ADRA2C: variants seen among roughly 807,000 people sequenced by gnomAD.
ADRA2C encodes the protein adrenoceptor alpha 2C.
Under a neutral mutation model 7.9 loss-of-function variants are expected in ADRA2C, and 4 were observed. That is an observed-to-expected ratio of 0.51 (90% CI 0.25 to 1.16). ADRA2C has a LOEUF of 1.16. Ranked by LOEUF, ADRA2C falls within the 50% of genes most tolerant of loss-of-function variation. The pLI is 0.15. For synonymous variants in ADRA2C, 368 were observed against 328.9 expected (o/e 1.12, Z -1.29); for missense variants, 589 against 677.7 (o/e 0.87, Z 1.45).
Position 3,767,415 on chromosome 4 carries a change from C to T in ADRA2C, c.809C>T (p.Ala270Val). The part of the protein sequence containing the change: ...TENGLGAAAG[A>V]GENGHCAPPP... ...AACGGGCTGGGCGCGGCGGCAGGCG[C>T]AGGCGAGAACGGGCACTGCGCGCCC... is the stretch of plus-strand genomic sequence containing the variant. The change falls in exon 1 of 1, where the codon GCA becomes GTA. Residue 270 changes from alanine to valine, a missense_variant. Transcript: ENST00000330055. The T allele has an allele frequency of 6.5e-7, 1 of 1,530,132 alleles. No individual in the cohort carries two copies. Among genetic ancestry groups the T allele is most frequent in the Non-Finnish European group, 8.7e-7 (1 of 1,143,916 alleles). The allele number at this position is 1,530,132 out of a possible 1,614,324, so 94.8% of individuals were successfully genotyped here.
At position 3,766,582 on chromosome 4, in the gene ADRA2C, G is replaced by A. The variant is rs1735445271; in HGVS notation, c.-25G>A. 1.7e-6 allele frequency: 2 copies of A among 1,157,652 alleles called. No homozygotes were observed. The highest frequency in any genetic ancestry group is 2.1e-6 in the Non-Finnish European group (2 of 941,518). The allele number at this position is 1,157,652 out of a possible 1,614,324, so 71.7% of individuals were successfully genotyped here. A position where few individuals can be genotyped will look rare whatever the true frequency, so the allele number is the denominator to read the frequency against. On this transcript the variant is annotated 5_prime_UTR_variant, in exon 1 of 1. Coordinates refer to ENST00000330055, the MANE Select transcript of ADRA2C (RefSeq NM_000683.4). This position sits in a 1 kb window ranked among gnomAD's most constrained non-coding sequence, Gnocchi z 4.5. ...CGCGGCTGCGCCCCGGCTCCAGGAGGGACGGCGTAGCTCGCGGGAGGACCA... is the reference window on the plus strand; with the variant it reads ...CGCGGCTGCGCCCCGGCTCCAGGAGAGACGGCGTAGCTCGCGGGAGGACCA...
Position 3,767,869 on chromosome 4 carries a change from C to T in ADRA2C, c.1263C>T (p.Phe421=), listed in dbSNP as rs745709762. ...ACQVPGPLFK[F]FFWIGYCNSS... is the part of the protein sequence containing the mutation. ...AGGTGCCCGGCCCGCTCTTCAAGTT[C>T]TTCTTCTGGATCGGCTACTGCAACA... The change falls in exon 1 of 1, where the codon TTC becomes TTT. Residue 421 remains phenylalanine, a synonymous_variant. Coordinates refer to ENST00000330055, the MANE Select transcript of ADRA2C (RefSeq NM_000683.4). 1.1e-5 allele frequency: 17 copies of T among 1,612,900 alleles called. No homozygotes were observed. In the African/African-American group the frequency reaches 2.1e-4, roughly 20 times the overall value.
At position 3,767,298 on chromosome 4, in the gene ADRA2C, C is replaced by T; in HGVS notation, c.692C>T (p.Ala231Val). ...APCLIMGLVY[A>V]RIYRVAKLRT... ...TGCCTCATCATGGGCCTGGTCTACG[C>T]GCGCATCTACCGAGTGGCCAAGCTG... is the stretch of plus-strand genomic sequence containing the variant. The change falls in exon 1 of 1, where the codon GCG (alanine) becomes GTG (valine). Residue 231 changes from alanine (A) to valine (V), a missense_variant. By Grantham distance (64) the Ala-to-Val change is moderately conservative. Transcript: ENST00000330055. The T allele has an allele frequency of 6.3e-7, 1 of 1,596,526 alleles. No individual in the cohort carries two copies. The highest frequency in any genetic ancestry group is 1.1e-5 in the South Asian group (1 of 88,336).
In ADRA2C at chr4:3,767,050, C is replaced by T. The variant is rs61754819; in HGVS notation, c.444C>T (p.Asp148=). The T allele has an allele frequency of 0.013, 20,907 of 1,611,342 alleles. 234 individuals carry two copies. The highest frequency in any genetic ancestry group is 0.041 in the Middle Eastern group (251 of 6,060). The stretch of plus-strand genomic sequence containing the variant: ...TGCATCTGTGTGCCATCAGCCTGGA[C>T]CGCTACTGGTCGGTGACGCAGGCCG... The part of the protein sequence containing the change: ...SIVHLCAISL[D]RYWSVTQAVE... The change falls in exon 1 of 1, where the codon GAC becomes GAT. Residue 148 remains aspartate (D), a synonymous_variant. Transcript: ENST00000330055.
chr4:3,767,560 G>T lies in ADRA2C; in HGVS notation c.954G>T (p.Ala318=). 8.9e-7 allele frequency: 1 copy of T among 1,120,398 alleles called. No individual in the cohort carries two copies. Among genetic ancestry groups the T allele is most frequent in the African/African-American group, 1.7e-5 (1 of 58,578 alleles). The allele number at this position is 1,120,398 out of a possible 1,614,324, so 69.4% of individuals were successfully genotyped here. Residue 318 remains alanine, a synonymous_variant, in exon 1 of 1, where the codon GCG becomes GCT. Coordinates refer to ENST00000330055, the MANE Select transcript of ADRA2C (RefSeq NM_000683.4). The part of the protein sequence containing the change: ...RAGAEGGAGG[A]DGQGAGPGAA... ...GCGCGGAGGGGGGCGCGGGCGGTGC[G>T]GACGGGCAGGGGGCGGGGCCGGGGG...
Position 3,768,043 on chromosome 4 carries a change from C to T in ADRA2C, c.*48C>T. On this transcript the variant is annotated 3_prime_UTR_variant, in exon 1 of 1. Coordinates refer to ENST00000330055, the MANE Select transcript of ADRA2C (RefSeq NM_000683.4). ...GGACAGCTCCGCGCTCGGGGCTGGG[C>T]AGAAGGGGCGGCCCGGACGGGGGAG... 2.2e-6 allele frequency: 1 copy of T among 448,806 alleles called. No individual in the cohort carries two copies. Among genetic ancestry groups the T allele is most frequent in the South Asian group, 2.5e-5 (1 of 39,624 alleles). The allele number at this position is 448,806 out of a possible 1,614,324, so 27.8% of individuals were successfully genotyped here.
rs756212489 is a variant in ADRA2C, at chr4:3,767,167, G to A, written c.561G>A (p.Leu187=). The A allele has an allele frequency of 1.2e-6, 2 of 1,609,648 alleles. No homozygotes were observed. The change falls in exon 1 of 1, where the codon CTG becomes CTA. Residue 187 remains leucine, a synonymous_variant. Transcript: ENST00000330055. ...LISAVISFPP[L]VSLYRQPDGA... ...CGGCCGTCATCTCCTTCCCGCCGCT[G>A]GTCTCGCTCTACCGCCAGCCCGACG...
Position 3,768,060 on chromosome 4 carries a change from A to ATGGGGGAGCTTTCCCAGAGAC in ADRA2C, c.*65_*66insTGGGGGAGCTTTCCCAGAGAC. On this transcript the variant is annotated 3_prime_UTR_variant, in exon 1 of 1. Coordinates refer to ENST00000330055, the MANE Select transcript of ADRA2C (RefSeq NM_000683.4). ...GGGCTGGGCAGAAGGGGCGGCCCGG[A>ATGGGGGAGCTTTCCCAGAGAC]CGGGGGAGCTTTCCCAGAGACCCGG... is the stretch of plus-strand genomic sequence containing the variant. The ATGGGGGAGCTTTCCCAGAGAC allele has an allele frequency of 4.2e-6, 1 of 237,328 alleles. No homozygotes were observed. Among genetic ancestry groups the ATGGGGGAGCTTTCCCAGAGAC allele is most frequent in the South Asian group, 5.4e-5 (1 of 18,424 alleles). The allele number at this position is 237,328 out of a possible 1,614,324, so 14.7% of individuals were successfully genotyped here.
Position 3,768,520 on chromosome 4 carries a change from A to G in ADRA2C, c.*525A>G, listed in dbSNP as rs1174900980. 8 of 546,500 alleles carry G rather than the reference A, an allele frequency of 1.5e-5. No individual in the cohort carries two copies. Among genetic ancestry groups the G allele is most frequent in the Non-Finnish European group, 2.7e-5 (8 of 298,488 alleles). The allele number at this position is 546,500 out of a possible 1,614,324, so 33.9% of individuals were successfully genotyped here. ...AACTATTTTCTAAATAAACCTTTGT[A>G]ATCTAATGTTGGGTGCCGCAGTCAG... On this transcript the variant is annotated 3_prime_UTR_variant, in exon 1 of 1. Transcript: ENST00000330055.
chr4:3,767,749 C>T lies in ADRA2C; in HGVS notation c.1143C>T (p.Thr381=), dbSNP rs1421801536. ...KVAQAREKRF[T]FVLAVVMGVF... Reference sequence around the variant, plus strand: ...CCCAGGCGCGCGAGAAGCGCTTCACCTTTGTGCTGGCTGTGGTCATGGGCG... The same window carrying T: ...CCCAGGCGCGCGAGAAGCGCTTCACTTTTGTGCTGGCTGTGGTCATGGGCG... Residue 381 remains threonine, a synonymous_variant, in exon 1 of 1, where the codon ACC becomes ACT. Transcript: ENST00000330055. 6.2e-7 allele frequency: 1 copy of T among 1,613,070 alleles called. No individual in the cohort carries two copies. The highest frequency in any genetic ancestry group is 8.5e-7 in the Non-Finnish European group (1 of 1,179,774).
chr4:3,768,062 G>GGGGGAGTTTTCCCAGAGACCC lies in ADRA2C; in HGVS notation c.*73_*74insTTTTCCCAGAGACCCGGGGAG. On this transcript the variant is annotated 3_prime_UTR_variant, in exon 1 of 1. Coordinates refer to ENST00000330055, the MANE Select transcript of ADRA2C (RefSeq NM_000683.4). Reference sequence around the variant, plus strand: ...GCTGGGCAGAAGGGGCGGCCCGGACGGGGGAGCTTTCCCAGAGACCCGGGG... The same window carrying GGGGGAGTTTTCCCAGAGACCC: ...GCTGGGCAGAAGGGGCGGCCCGGACGGGGGAGTTTTCCCAGAGACCCGGGGAGCTTTCCCAGAGACCCGGGG... 1 of 1,157,760 alleles carries GGGGGAGTTTTCCCAGAGACCC rather than the reference G, an allele frequency of 8.6e-7. No individual in the cohort carries two copies. Among genetic ancestry groups the GGGGGAGTTTTCCCAGAGACCC allele is most frequent in the Non-Finnish European group, 1.1e-6 (1 of 879,324 alleles). The allele number at this position is 1,157,760 out of a possible 1,614,324, so 71.7% of individuals were successfully genotyped here. A position where few individuals can be genotyped will look rare whatever the true frequency, so the allele number is the denominator to read the frequency against.
chr4:3,767,557 T>G lies in ADRA2C; in HGVS notation c.951T>G (p.Gly317=). Reference sequence around the variant, plus strand: ...CGGGCGCGGAGGGGGGCGCGGGCGGTGCGGACGGGCAGGGGGCGGGGCCGG... The same window carrying G: ...CGGGCGCGGAGGGGGGCGCGGGCGGGGCGGACGGGCAGGGGGCGGGGCCGG... The part of the protein sequence containing the change: ...RRAGAEGGAG[G]ADGQGAGPGA... Residue 317 remains glycine (G), a synonymous_variant, in exon 1 of 1, where the codon GGT becomes GGG. Transcript: ENST00000330055. 2.7e-6 allele frequency: 3 copies of G among 1,096,920 alleles called. No homozygotes were observed. The highest frequency in any genetic ancestry group is 3.3e-6 in the Non-Finnish European group (3 of 900,692). 67.9% of individuals were successfully genotyped at this position (1,096,920 alleles called of 1,614,324 possible).
chr4:3,767,797 C>T lies in ADRA2C; in HGVS notation c.1191C>T (p.Pro397=). ...VMGVFVLCWF[P]FFFSYSLYGI... is the part of the protein sequence containing the mutation. ...GCGTGTTCGTGCTCTGCTGGTTCCC[C>T]TTCTTCTTCAGCTACAGCCTGTACG... Residue 397 remains proline, a synonymous_variant, in exon 1 of 1, where the codon CCC becomes CCT. Coordinates refer to ENST00000330055, the MANE Select transcript of ADRA2C (RefSeq NM_000683.4). 1 of 1,613,248 alleles carries T rather than the reference C, an allele frequency of 6.2e-7. No homozygotes were observed. Among genetic ancestry groups the T allele is most frequent in the Non-Finnish European group, 8.5e-7 (1 of 1,179,826 alleles).
chr4:3,767,285 G>A lies in ADRA2C; in HGVS notation c.679G>A (p.Gly227Ser). ...GSFFAPCLIM[G>S]LVYARIYRVA... Reference sequence around the variant, plus strand: ...CTTCTTCGCGCCCTGCCTCATCATGGGCCTGGTCTACGCGCGCATCTACCG... The same window carrying A: ...CTTCTTCGCGCCCTGCCTCATCATGAGCCTGGTCTACGCGCGCATCTACCG... The change falls in exon 1 of 1, where the codon GGC becomes AGC. Residue 227 changes from glycine to serine, a missense_variant. Gly to Ser is a moderately conservative substitution (Grantham distance 56, BLOSUM62 0). Coordinates refer to ENST00000330055, the MANE Select transcript of ADRA2C (RefSeq NM_000683.4). 1 of 1,603,032 alleles carries A rather than the reference G, an allele frequency of 6.2e-7. No homozygotes were observed. The highest frequency in any genetic ancestry group is 8.5e-7 in the Non-Finnish European group (1 of 1,175,692).
Position 3,768,107 on chromosome 4 carries a change from G to T in ADRA2C, c.*112G>T, listed in dbSNP as rs113503806. 7.2e-6 allele frequency: 8 copies of T among 1,117,306 alleles called. No individual in the cohort carries two copies. The African/African-American group carries it at 7.8e-5, about 11-fold the overall frequency. The allele number at this position is 1,117,306 out of a possible 1,614,324, so 69.2% of individuals were successfully genotyped here. A position where few individuals can be genotyped will look rare whatever the true frequency, so the allele number is the denominator to read the frequency against. On this transcript the variant is annotated 3_prime_UTR_variant, in exon 1 of 1. Coordinates refer to ENST00000330055, the MANE Select transcript of ADRA2C (RefSeq NM_000683.4). The stretch of plus-strand genomic sequence containing the variant: ...CCGGGGATGGATTGGCCTCCAGGGC[G>T]CAGGGGAGGGTGCGGCAGGGCAGGA...
Position 3,768,439 on chromosome 4 carries a change from T to A in ADRA2C, c.*444T>A. On this transcript the variant is annotated 3_prime_UTR_variant, in exon 1 of 1. Coordinates refer to ENST00000330055, the MANE Select transcript of ADRA2C (RefSeq NM_000683.4). Reference sequence around the variant, plus strand: ...GGGGGCAAGGAGAAAGCACCGACAATCTTTGATTACTGAAAGTATTTAAAT... The same window carrying A: ...GGGGGCAAGGAGAAAGCACCGACAAACTTTGATTACTGAAAGTATTTAAAT... 1.6e-6 allele frequency: 1 copy of A among 608,372 alleles called. No individual in the cohort carries two copies. The highest frequency in any genetic ancestry group is 2.0e-5 in the South Asian group (1 of 50,216). The allele number at this position is 608,372 out of a possible 1,614,324, so 37.7% of individuals were successfully genotyped here. A position where few individuals can be genotyped will look rare whatever the true frequency, so the allele number is the denominator to read the frequency against.
At position 3,767,619 on chromosome 4, in the gene ADRA2C, C is replaced by A. The variant is rs758697619; in HGVS notation, c.1013C>A (p.Ser338Tyr). ...TCGGGGGCGCTGACCGCCTCCAGGT[C>A]CCCGGGGCCCGGTGGCCGCCTGTCG... ...AESGALTASR[S>Y]PGPGGRLSRA... Residue 338 changes from serine (S) to tyrosine (Y), a missense_variant, in exon 1 of 1, where the codon TCC becomes TAC. Coordinates refer to ENST00000330055, the MANE Select transcript of ADRA2C (RefSeq NM_000683.4). 17 of 1,349,216 alleles carry A rather than the reference C, an allele frequency of 1.3e-5. No individual in the cohort carries two copies. The highest frequency in any genetic ancestry group is 9.2e-5 in the South Asian group (5 of 54,274). The allele number at this position is 1,349,216 out of a possible 1,614,324, so 83.6% of individuals were successfully genotyped here.
At position 3,766,708 on chromosome 4, in the gene ADRA2C, C is replaced by T. The variant is rs1735449498; in HGVS notation, c.102C>T (p.Ala34=). 2.7e-6 allele frequency: 4 copies of T among 1,458,218 alleles called. No homozygotes were observed. The South Asian group carries it at 5.8e-5, about 21-fold the overall frequency. 90.3% of individuals were successfully genotyped at this position (1,458,218 alleles called of 1,614,324 possible). A position where few individuals can be genotyped will look rare whatever the true frequency, so the allele number is the denominator to read the frequency against. The change falls in exon 1 of 1, where the codon GCC becomes GCT. Residue 34 remains alanine, a synonymous_variant. Transcript: ENST00000330055. This position sits in a 1 kb window ranked among gnomAD's most constrained non-coding sequence, Gnocchi z 4.5. ...GERGSGGVAN[A]SGASWGPPRG... is the part of the protein sequence containing the mutation. ...GGGGCAGCGGCGGGGTTGCCAATGC[C>T]TCGGGGGCTTCCTGGGGGCCGCCGC...
chr4:3,767,632 T>G lies in ADRA2C; in HGVS notation c.1026T>G (p.Gly342=). The G allele has an allele frequency of 7.3e-7, 1 of 1,369,302 alleles. No individual in the cohort carries two copies. Among genetic ancestry groups the G allele is most frequent in the Non-Finnish European group, 9.3e-7 (1 of 1,070,154 alleles). 84.8% of individuals were successfully genotyped at this position (1,369,302 alleles called of 1,614,324 possible). The change falls in exon 1 of 1, where the codon GGT becomes GGG. Residue 342 remains glycine (G), a synonymous_variant. Coordinates refer to ENST00000330055, the MANE Select transcript of ADRA2C (RefSeq NM_000683.4). ...CCGCCTCCAGGTCCCCGGGGCCCGG[T>G]GGCCGCCTGTCGCGCGCCAGCTCGC... ...ALTASRSPGP[G]GRLSRASSRS...
Sources: allele counts gnomAD v4.1 joint callset, GRCh38; gene constraint gnomAD v4.1.1; non-coding constraint Gnocchi (gnomAD v3.1); transcripts MANE v1.5; gene names NCBI Gene and HGNC (gene_info 2026-07-23, HGNC 2026-07-21).